Variants in MAST4 observed in about 807,000 individuals in gnomAD.
MAST4 encodes the protein microtubule-associated serine/threonine-protein kinase 4.
MAST4 carries 89 observed loss-of-function variants against 162.7 expected under a neutral mutation model. That is an observed-to-expected ratio of 0.55 (90% CI 0.46 to 0.65). The LOEUF (loss-of-function observed/expected upper bound fraction) is 0.65. Among genes scored for constraint, MAST4 ranks in the 30% least tolerant of loss-of-function variants. The pLI, the probability that MAST4 is intolerant of heterozygous loss-of-function variation, is 0.00. For synonymous variants in MAST4, 1,479 were observed against 1,361.1 expected, an observed-to-expected ratio of 1.09 and a Z score of -1.91; for missense variants, 3,153 against 3,374.0, an observed-to-expected ratio of 0.93 and a Z score of 1.62.
chr5:66,870,812 C>T lies in MAST4; in HGVS notation c.643-29139C>T, dbSNP rs558498345. The T allele has an allele frequency of 1.1e-5, 5 of 471,566 alleles. No homozygotes were observed. In the East Asian group the frequency reaches 2.8e-4, roughly 26 times the overall value. 29.2% of individuals were successfully genotyped at this position (471,566 alleles called of 1,614,324 possible). A position where few individuals can be genotyped will look rare whatever the true frequency, so the allele number is the denominator to read the frequency against. On this transcript the variant is annotated intron_variant, in intron 3 of 28. Coordinates refer to ENST00000403625, the MANE Select transcript of MAST4 (RefSeq NM_001164664.2). ...CCTCCGAAGAGCCATTTCAACTCAG[C>T]CCGACATCGCCAGAGACTAGTGGAC...
chr5:66,686,287 G>A (rs559704338), intron 1 of MAST4, among the ~76,000 whole-genome samples: 2 of 152,272 alleles, frequency 1.3e-5, no homozygotes, highest in East Asian at 3.9e-4. Flanking sequence ...ACCCAGCACA[G>A]TAATCTGTTT....
chr5:67,104,582 A>T lies in MAST4; in HGVS notation c.1356+7A>T. The T allele has an allele frequency of 6.2e-7, 1 of 1,608,124 alleles. No homozygotes were observed. The highest frequency in any genetic ancestry group is 8.5e-7 in the Non-Finnish European group (1 of 1,175,924). On this transcript the variant is annotated splice_region_variant and intron_variant, in intron 10 of 28. Coordinates refer to ENST00000403625, the MANE Select transcript of MAST4 (RefSeq NM_001164664.2). Reference sequence around the variant, plus strand: ...AGATAAGTTGCTACAGGAGGTAAGAACCATGTACCATATAGTTTTCTGATT... The same window carrying T: ...AGATAAGTTGCTACAGGAGGTAAGATCCATGTACCATATAGTTTTCTGATT...
Position 67,164,180 on chromosome 5 carries a change from C to A in MAST4, c.5001C>A (p.Ser1667=), listed in dbSNP as rs773339123. The stretch of plus-strand genomic sequence containing the variant: ...GGAAGGGGGAAGGCACGGAGAAGTC[C>A]TCCCAGGCCAAGGAGCTTCTCCGAT... ...ISGKGEGTEK[S]SQAKELLRCE... is the part of the protein sequence containing the mutation. The change falls in exon 29 of 29, where the codon TCC becomes TCA. Residue 1667 remains serine, a synonymous_variant. Coordinates refer to ENST00000403625, the MANE Select transcript of MAST4 (RefSeq NM_001164664.2). The surrounding 1 kb of genome is among the most constrained non-coding windows in gnomAD (Gnocchi z 5.3). The A allele has an allele frequency of 2.5e-6, 4 of 1,611,526 alleles. No individual in the cohort carries two copies. In the South Asian group the frequency reaches 4.4e-5, roughly 18 times the overall value.
intron 4 of MAST4, among the ~76,000 whole-genome samples, chr5:66,918,540 C>G (rs1181361932): frequency 6.6e-6 from 1 of 152,032 alleles, no homozygotes; most frequent in Non-Finnish European, 1.5e-5. Flanking sequence ...TTCTTAATTG[C>G]TTTTTGGAAT....
At chr5:67,078,916 ATATATATATATATATATATAT>A (rs1762186351) in intron 5 of MAST4, among the ~76,000 whole-genome samples, 11 of 65,684 alleles carry the variant, frequency 1.7e-4, no homozygotes, top group African/African-American at 2.7e-4. Context: ...ATATAAATAT[ATATATATATATATATATATAT>A]ATATATATAT....
At chr5:66,660,828 A>G (rs1746859798) in intron 1 of MAST4, among the ~76,000 whole-genome samples, 1 of 152,230 alleles carries the variant, frequency 6.6e-6, no homozygotes, top group Non-Finnish European at 1.5e-5. Context: ...TGTAATTCAG[A>G]CTTGTCAGTA....
chr5:66,968,737 A>C (rs1404103181), intron 4 of MAST4, among the ~76,000 whole-genome samples: 1 of 152,198 alleles, frequency 6.6e-6, no homozygotes. Context: ...AAAAGGACTT[A>C]TTTTTTATTC....
At chr5:67,105,531 C>G (rs1317366650) in intron 10 of MAST4, among the ~76,000 whole-genome samples, 1 of 152,224 alleles carries the variant, frequency 6.6e-6, no homozygotes, top group Non-Finnish European at 1.5e-5. Context: ...CAACCAACTG[C>G]AGTCCACTGA....
At chr5:66,746,004 T>G (rs1379783962) in intron 1 of MAST4, among the ~76,000 whole-genome samples, 1 of 152,036 alleles carries the variant, frequency 6.6e-6, no homozygotes, top group Non-Finnish European at 1.5e-5. Context: ...GTGTAGAAAT[T>G]TGGGTTCTGG....
intron 3 of MAST4, among the ~76,000 whole-genome samples, chr5:66,804,486 A>G (rs534819890): frequency 6.6e-6 from 1 of 152,316 alleles, no homozygotes; most frequent in South Asian, 2.1e-4. Context: ...AGTTCTTCAC[A>G]TGCTGAAGGT....
chr5:67,161,802 G>T (rs1389207908), intron 27 of MAST4, among the ~76,000 whole-genome samples: 2 of 152,088 alleles, frequency 1.3e-5, no homozygotes, highest in African/African-American at 4.8e-5. Context: ...TTATATTTTG[G>T]CTGTGCTTTA....
intron 4 of MAST4, among the ~76,000 whole-genome samples, chr5:66,994,302 A>AT (rs1373584201): frequency 3.3e-5 from 5 of 151,852 alleles, no homozygotes; most frequent in Non-Finnish European, 7.4e-5. Flanking sequence ...AATCTGGTGT[A>AT]TTTTTCAGCC....
intron 5 of MAST4, among the ~76,000 whole-genome samples, chr5:67,067,169 C>T (rs1292237351): frequency 1.3e-5 from 2 of 152,166 alleles, no homozygotes; most frequent in Admixed American, 1.3e-4. Flanking sequence ...AGAAATTCTG[C>T]TACCCAAACC....
rs1751691416 is a variant in MAST4, at chr5:66,729,129, T to C, written c.364-30580T>C. ...GTGCAACAGCACTTAACTGACCCAT[T>C]TGAAAGGAAGGGTAAGTGTGTGTGT... is the stretch of plus-strand genomic sequence containing the variant. On this transcript the variant is annotated intron_variant, in intron 1 of 28. Transcript: ENST00000403625. Among the ~76,000 whole-genome samples the C allele has an allele frequency of 2.0e-5, 3 of 152,302 alleles. No homozygotes were observed. In the South Asian group the frequency reaches 6.2e-4, roughly 32 times the overall value.
intron 12 of MAST4, 97 bp downstream of exon 12, chr5:67,114,316 TG>T: frequency 7.0e-7 from 1 of 1,422,942 alleles, no homozygotes; most frequent in South Asian, 1.3e-5. Flanking sequence ...CCTCATGTTT[TG>T]GCTCTATCTA....
At chr5:66,910,835 C>T (rs956520102) in intron 4 of MAST4, among the ~76,000 whole-genome samples, 7 of 147,516 alleles carry the variant, frequency 4.7e-5, no homozygotes, top group African/African-American at 1.8e-4. Context: ...ACTGCAGTCT[C>T]CACCTCCCTT....
intron 4 of MAST4, among the ~76,000 whole-genome samples, chr5:67,006,267 T>A (rs553933873): frequency 5.1e-4 from 77 of 152,348 alleles, no homozygotes; most frequent in Non-Finnish European, 8.4e-4. Flanking sequence ...GAAGTGTTGA[T>A]ACCACTAAAC....
chr5:66,869,099 A>T (rs538099323), intron 3 of MAST4, among the ~76,000 whole-genome samples: 1 of 152,312 alleles, frequency 6.6e-6, no homozygotes, highest in East Asian at 1.9e-4. Context: ...AGAACTCTTA[A>T]ATCAGTTGTA....
chr5:66,818,463 C>T (rs904317301), intron 3 of MAST4, among the ~76,000 whole-genome samples: 5 of 152,012 alleles, frequency 3.3e-5, no homozygotes, highest in Admixed American at 1.3e-4. Flanking sequence ...TCACTATGGT[C>T]TGTGCCCTTG....
Sources: gnomAD v4.1 joint callset for allele counts (sites outside exome capture counted in the v4.1 genomes callset) on GRCh38, gnomAD v4.1.1 for gene constraint, Gnocchi (gnomAD v3.1) non-coding constraint, MANE v1.5 for transcripts, NCBI Gene and HGNC (gene_info 2026-07-23, HGNC 2026-07-21) for gene names.